The following SH3RF3 variants were observed in gnomAD, a reference collection of about 807,000 sequenced individuals.
SH3RF3 encodes E3 ubiquitin-protein ligase SH3RF3.
In SH3RF3, 29 loss-of-function variants were observed where a neutral mutation model predicts 66.3. That is an observed-to-expected ratio of 0.44 (90% CI 0.33 to 0.60). SH3RF3 has a LOEUF of 0.60. Ranked by LOEUF, SH3RF3 falls within the 20% of genes least tolerant of loss-of-function variation. The pLI is 0.04. For missense variants in SH3RF3, 1,194 were observed against 1,190.9 expected (o/e 1.00, Z -0.04); for synonymous variants, 583 against 532.0 (o/e 1.10, Z -1.32).
At chr2:109,211,679 C>G (rs1482537298) in intron 1 of SH3RF3, among the ~76,000 whole-genome samples, 1 of 150,314 alleles carries the variant, frequency 6.7e-6, no homozygotes, top group Non-Finnish European at 1.5e-5. Flanking sequence ...GAGTCTCGCT[C>G]TGTCACCCAG....
At chr2:109,372,177 C>T (rs2105685494) in intron 3 of SH3RF3, among the ~76,000 whole-genome samples, 1 of 152,344 alleles carries the variant, frequency 6.6e-6, no homozygotes, top group South Asian at 2.1e-4. Context: ...TGAGAGGCAC[C>T]ACAGCAAAGG....
chr2:109,453,418 C>T (rs1677945435), intron 8 of SH3RF3, among the ~76,000 whole-genome samples: 1 of 152,220 alleles, frequency 6.6e-6, no homozygotes, highest in Non-Finnish European at 1.5e-5. Context: ...GGAACACTGC[C>T]TATTGTGTCC....
At chr2:109,495,477 CTTTTTTTTTTTTTT>C (rs569509984) in intron 9 of SH3RF3, among the ~76,000 whole-genome samples, 12 of 94,288 alleles carry the variant, frequency 1.3e-4, no homozygotes, top group Admixed American at 9.2e-4. Context: ...TCTTTCATTC[CTTTTTTTTTTTTTT>C]TTTTTTTTTT....
intron 1 of SH3RF3, among the ~76,000 whole-genome samples, chr2:109,276,309 A>G (rs1680757258): frequency 6.6e-6 from 1 of 152,220 alleles, no homozygotes; most frequent in African/African-American, 2.4e-5. Flanking sequence ...TTAGATGGAT[A>G]TGGGATTTGT....
At chr2:109,133,028 G>A (rs184005330) in intron 1 of SH3RF3, among the ~76,000 whole-genome samples, 1 of 152,146 alleles carries the variant, frequency 6.6e-6, no homozygotes, top group Non-Finnish European at 1.5e-5. Context: ...TGTAGACTCG[G>A]CTAGGCACTA....
chr2:109,237,119 C>T (rs1175340786), intron 1 of SH3RF3, among the ~76,000 whole-genome samples: 2 of 152,128 alleles, frequency 1.3e-5, no homozygotes, highest in Non-Finnish European at 2.9e-5. Flanking sequence ...ACAAAATACA[C>T]ATGGAGGAAA....
chr2:109,296,160 A>G (rs1385114702), intron 1 of SH3RF3, among the ~76,000 whole-genome samples: 1 of 152,022 alleles, frequency 6.6e-6, no homozygotes, highest in Non-Finnish European at 1.5e-5. Flanking sequence ...CCATGTCAGC[A>G]TTATCCCCTA....
At chr2:109,248,078 T>G (rs1679964932) in intron 1 of SH3RF3, among the ~76,000 whole-genome samples, 1 of 152,214 alleles carries the variant, frequency 6.6e-6, no homozygotes, top group African/African-American at 2.4e-5. Flanking sequence ...GGAACATGAA[T>G]CAATTGGAGG....
intron 3 of SH3RF3, among the ~76,000 whole-genome samples, chr2:109,378,950 C>A (rs1173965674): frequency 6.6e-6 from 1 of 152,210 alleles, no homozygotes; most frequent in African/African-American, 2.4e-5. Context: ...CTGTCTCTCT[C>A]TACAGCTCCC....
At chr2:109,347,030 G>T (rs373458451) in intron 1 of SH3RF3, among the ~76,000 whole-genome samples, 1 of 152,120 alleles carries the variant, frequency 6.6e-6, no homozygotes, top group African/African-American at 2.4e-5. Context: ...TGTGTGTACC[G>T]CTGGCCATGA....
intron 5 of SH3RF3, among the ~76,000 whole-genome samples, chr2:109,429,573 C>T (rs996569182): frequency 6.6e-6 from 1 of 152,074 alleles, no homozygotes; most frequent in Non-Finnish European, 1.5e-5. Flanking sequence ...ATACCCCATT[C>T]AGGACCCCAG....
rs536387277 is a variant in SH3RF3 at position 109,417,694 on chromosome 2, T to G, written c.1300-1845T>G. On this transcript the variant is annotated intron_variant, in intron 4 of 9. Transcript: ENST00000309415. ...TAGAGACACCAAGGGAGTCTCTCGG[T>G]TGCACCCGCTCATTCTGCCAGGCGC... 3.3e-5 allele frequency among the ~76,000 whole-genome samples: 5 copies of G among 152,256 alleles called. No individual in the cohort carries two copies. The East Asian group carries it at 9.7e-4, about 30-fold the overall frequency.
intron 1 of SH3RF3, among the ~76,000 whole-genome samples, chr2:109,303,521 C>A (rs781443760): frequency 6.6e-6 from 1 of 152,168 alleles, no homozygotes; most frequent in Non-Finnish European, 1.5e-5. Context: ...AGTAAGGTGA[C>A]CCTGCAATGG....
At chr2:109,282,203 T>C (rs1049828641) in intron 1 of SH3RF3, among the ~76,000 whole-genome samples, 2 of 152,152 alleles carry the variant, frequency 1.3e-5, no homozygotes, top group Non-Finnish European at 2.9e-5. Flanking sequence ...CATGAGTGTT[T>C]ATTGGGGTTA....
chr2:109,272,685 G>A (rs1680654033), intron 1 of SH3RF3, among the ~76,000 whole-genome samples: 1 of 152,228 alleles, frequency 6.6e-6, no homozygotes, highest in Non-Finnish European at 1.5e-5. Context: ...TTGTCATGGA[G>A]ACAATACAGG....
At chr2:109,456,046 A>G (rs1678046127) in intron 8 of SH3RF3, among the ~76,000 whole-genome samples, 1 of 152,216 alleles carries the variant, frequency 6.6e-6, no homozygotes, top group East Asian at 1.9e-4. Flanking sequence ...CTCTGTCATC[A>G]GGTGCAGCCA....
At chr2:109,205,010 C>A (rs1046540954) in intron 1 of SH3RF3, among the ~76,000 whole-genome samples, 6 of 152,226 alleles carry the variant, frequency 3.9e-5, no homozygotes, top group African/African-American at 1.4e-4. Flanking sequence ...GAGGTTGAGA[C>A]CGGCCTGGTC....
At chr2:109,213,190 C>G (rs1220570056) in intron 1 of SH3RF3, among the ~76,000 whole-genome samples, 2 of 152,184 alleles carry the variant, frequency 1.3e-5, no homozygotes, top group East Asian at 3.9e-4. Flanking sequence ...TTATTCTCTT[C>G]CTTGGCAAGA....
chr2:109,316,323 A>T (rs374517032), intron 1 of SH3RF3, among the ~76,000 whole-genome samples: 28 of 152,124 alleles, frequency 1.8e-4, no homozygotes, highest in East Asian at 1.6e-3. Flanking sequence ...TGGAGGGAGG[A>T]CATGTTGCCA....
Sources: gnomAD v4.1 joint callset for allele counts (sites outside exome capture counted in the v4.1 genomes callset) on GRCh38, gnomAD v4.1.1 for gene constraint, MANE v1.5 for transcripts, NCBI Gene and HGNC (gene_info 2026-07-23, HGNC 2026-07-21) for gene names.